Variants in CRMP1 observed in about 807,000 individuals in gnomAD.
CRMP1 encodes the protein dihydropyrimidinase-related protein 1.
CRMP1 carries 19 observed loss-of-function variants against 68.3 expected under a neutral mutation model. The observed-to-expected ratio is 0.28, with a 90% CI of 0.19 to 0.41. The LOEUF (loss-of-function observed/expected upper bound fraction) is 0.41. CRMP1 is among the 10% of genes least tolerant of loss of function. The pLI is 1.00. For synonymous variants in CRMP1, 439 were observed against 399.6 expected (o/e 1.10, Z -1.18); for missense variants, 791 against 967.4 (o/e 0.82, Z 2.42).
chr4:5,858,445 C>T lies in CRMP1; in HGVS notation c.656-2138G>A, dbSNP rs762437996. Among the ~76,000 whole-genome samples the T allele has an allele frequency of 5.9e-5, 9 of 152,118 alleles. No individual in the cohort carries two copies. The highest frequency in any genetic ancestry group is 1.3e-4 in the Non-Finnish European group (9 of 68,030). ...AGCTGTGGTGGACATCACCAACCAACGGTTCCACAGCCAGAGGCCCAGGTC... is the reference window on the plus strand; with the variant it reads ...AGCTGTGGTGGACATCACCAACCAATGGTTCCACAGCCAGAGGCCCAGGTC... On this transcript the variant is annotated intron_variant, in intron 3 of 13. Transcript: ENST00000324989. This position sits in a 1 kb window ranked among gnomAD's most constrained non-coding sequence, Gnocchi z 5.5.
Position 5,879,583 on chromosome 4 carries a change from C to T in CRMP1, c.382-12827G>A, listed in dbSNP as rs115590839. Among the ~76,000 whole-genome samples, 386 of 152,276 alleles carry T rather than the reference C, an allele frequency of 2.5e-3. 2 individuals are homozygous for T. The highest frequency in any genetic ancestry group is 8.7e-3 in the African/African-American group (362 of 41,558). ...CTATAAATGGAACCCATCAAAATAC[C>T]TACCTCACAAGATTACTTGAAATAA... On this transcript the variant is annotated intron_variant, in intron 1 of 13. Transcript: ENST00000324989. The surrounding 1 kb of genome is among the most constrained non-coding windows in gnomAD (Gnocchi z 4.2).
intron 1 of CRMP1, chr4:5,887,458 C>CG (rs933693266): frequency 2.0e-6 from 2 of 985,426 alleles, no homozygotes; most frequent in African/African-American, 3.5e-5. Context: ...GGAACTGGGG[C>CG]GGAGGGCCAG....
rs965899772 is a variant in CRMP1, at chr4:5,858,229, C to A, written c.656-1922G>T. On this transcript the variant is annotated intron_variant, in intron 3 of 13. Coordinates refer to ENST00000324989, the MANE Select transcript of CRMP1 (RefSeq NM_001014809.3). The surrounding 1 kb of genome is among the most constrained non-coding windows in gnomAD (Gnocchi z 5.5). The stretch of plus-strand genomic sequence containing the variant: ...TTCTCAATCATCCTGAGGACTCCAT[C>A]CCCTACTGTTCACTATGCTTACTAA... Among the ~76,000 whole-genome samples the A allele has an allele frequency of 5.9e-5, 9 of 152,144 alleles. No homozygotes were observed. The highest frequency in any genetic ancestry group is 1.3e-4 in the Admixed American group (2 of 15,286).
At chr4:5,824,476 A>G in intron 13 of CRMP1, 1 of 985,116 alleles carries the variant, frequency 1.0e-6, no homozygotes, top group Non-Finnish European at 1.2e-6. Flanking sequence ...CTGAATTCAC[A>G]CGTCATCCTC....
intron 3 of CRMP1, among the ~76,000 whole-genome samples, chr4:5,857,961 T>C (rs777683720): frequency 1.3e-5 from 2 of 152,122 alleles, no homozygotes; most frequent in Non-Finnish European, 2.9e-5. Context: ...CAGGCAGATG[T>C]CAAAAAGAGA....
At chr4:5,847,241 T>C (rs770720151) in intron 6 of CRMP1, among the ~76,000 whole-genome samples, 6 of 152,312 alleles carry the variant, frequency 3.9e-5, no homozygotes, top group African/African-American at 9.6e-5. Context: ...TTTAGCTTCA[T>C]AGACCTACAG....
chr4:5,877,546 G>A lies in CRMP1; in HGVS notation c.382-10790C>T, dbSNP rs1032092528. 1.3e-5 allele frequency among the ~76,000 whole-genome samples: 2 copies of A among 152,188 alleles called. No homozygotes were observed. Among genetic ancestry groups the A allele is most frequent in the African/African-American group, 4.8e-5 (2 of 41,452 alleles). On this transcript the variant is annotated intron_variant, in intron 1 of 13. Transcript: ENST00000324989. The surrounding 1 kb of genome is among the most constrained non-coding windows in gnomAD (Gnocchi z 4.3). ...ATTTGCCTTTGATTTTGCCTCCGGGGACGACAGCCTGTCAGCCAGTGGCCC... is the reference window on the plus strand; with the variant it reads ...ATTTGCCTTTGATTTTGCCTCCGGGAACGACAGCCTGTCAGCCAGTGGCCC...
chr4:5,893,065 G>T lies in CRMP1; in HGVS notation c.-96C>A. Reference sequence around the variant, plus strand: ...GCGCTCCGCGCCTCGGTGCGGGCCTGCGGCGGCCCGGGCGCGACTGCGGCC... The same window carrying T: ...GCGCTCCGCGCCTCGGTGCGGGCCTTCGGCGGCCCGGGCGCGACTGCGGCC... On this transcript the variant is annotated 5_prime_UTR_variant, in exon 1 of 14. Transcript: ENST00000324989. The T allele has an allele frequency of 1.2e-6, 1 of 857,248 alleles. No homozygotes were observed. Among genetic ancestry groups the T allele is most frequent in the Non-Finnish European group, 1.4e-6 (1 of 713,026 alleles). The allele number at this position is 857,248 out of a possible 1,614,324, so 53.1% of individuals were successfully genotyped here. A position where few individuals can be genotyped will look rare whatever the true frequency, so the allele number is the denominator to read the frequency against.
intron 3 of CRMP1, among the ~76,000 whole-genome samples, chr4:5,857,489 C>A (rs909554880): frequency 2.6e-5 from 4 of 152,154 alleles, no homozygotes; most frequent in Non-Finnish European, 5.9e-5. Flanking sequence ...TCATTACCAC[C>A]ATCATCACCA....
At position 5,866,765 on chromosome 4, in the gene CRMP1, C is replaced by G. The variant is rs762862260; in HGVS notation, c.382-9G>C. On this transcript the variant is annotated splice_polypyrimidine_tract_variant and intron_variant, in intron 1 of 13. Coordinates refer to ENST00000324989, the MANE Select transcript of CRMP1 (RefSeq NM_001014809.3). This position sits in a 1 kb window ranked among gnomAD's most constrained non-coding sequence, Gnocchi z 5.9. The stretch of plus-strand genomic sequence containing the variant: ...ATGAGGAGTCGGTCACTCTGCAAAG[C>G]AAGGCAAAGTATTAAGGATCCTTGG... The G allele has an allele frequency of 8.1e-6, 13 of 1,602,442 alleles. No individual in the cohort carries two copies. Among genetic ancestry groups the G allele is most frequent in the Non-Finnish European group, 1.1e-5 (13 of 1,173,560 alleles).
At chr4:5,878,094 T>C in intron 1 of CRMP1, among the ~76,000 whole-genome samples, 1 of 152,336 alleles carries the variant, frequency 6.6e-6, no homozygotes, top group Admixed American at 6.5e-5. Context: ...TTTTAATTCT[T>C]AAATCACCTT....
chr4:5,849,322 C>T, intron 6 of CRMP1, 70 bp downstream of exon 6: 1 of 1,331,598 alleles, frequency 7.5e-7, no homozygotes, highest in Non-Finnish European at 1.1e-6. Context: ...AACCAATGCT[C>T]TTTTATCAAA....
At chr4:5,851,371 C>T (rs1192976558) in intron 5 of CRMP1, 37 bp downstream of exon 5, 2 of 1,601,530 alleles carry the variant, frequency 1.2e-6, no homozygotes, top group Non-Finnish European at 1.7e-6. Flanking sequence ...CAGTCCTGCC[C>T]AGACAAGAGA....
chr4:5,839,296 A>G (rs1373470843), intron 9 of CRMP1, among the ~76,000 whole-genome samples: 1 of 152,200 alleles, frequency 6.6e-6, no homozygotes, highest in African/African-American at 2.4e-5. Flanking sequence ...AGGTTGGCTC[A>G]ACAGGAGGTG....
intron 1 of CRMP1, among the ~76,000 whole-genome samples, chr4:5,868,290 T>TATATATATATCTATATATAG (rs1714174903): frequency 3.8e-5 from 5 of 131,360 alleles, no homozygotes; most frequent in African/African-American, 1.6e-4. Flanking sequence ...TATATATATA[T>TATATATATATCTATATATAG]ATATATATAT....
intron 6 of CRMP1, among the ~76,000 whole-genome samples, chr4:5,848,790 A>G (rs1262407396): frequency 6.6e-6 from 1 of 152,194 alleles, no homozygotes; most frequent in African/African-American, 2.4e-5. Flanking sequence ...TGGGCATCAC[A>G]TGAGACAGCA....
chr4:5,878,714 T>G (rs1443327662), intron 1 of CRMP1, among the ~76,000 whole-genome samples: 3 of 152,112 alleles, frequency 2.0e-5, no homozygotes, highest in Non-Finnish European at 1.5e-5. Flanking sequence ...TGAGTTCACC[T>G]CTCTGTGCTT....
At chr4:5,833,518 C>T (rs1256656022) in intron 11 of CRMP1, among the ~76,000 whole-genome samples, 2 of 151,176 alleles carry the variant, frequency 1.3e-5, no homozygotes, top group Non-Finnish European at 2.9e-5. Context: ...CAACCTGTGG[C>T]ACTTTATAAC....
chr4:5,827,921 C>T, intron 12 of CRMP1: 2 of 559,242 alleles, frequency 3.6e-6, no homozygotes, highest in Non-Finnish European at 4.5e-6. Flanking sequence ...GAGCCTGCTC[C>T]TTCCCTTTGA....
Sources: gnomAD v4.1 joint callset for allele counts (sites outside exome capture counted in the v4.1 genomes callset) on GRCh38, gnomAD v4.1.1 for gene constraint, Gnocchi (gnomAD v3.1) non-coding constraint, MANE v1.5 for transcripts, NCBI Gene and HGNC (gene_info 2026-07-23, HGNC 2026-07-21) for gene names.